The following DAAM2 variants were observed in gnomAD, a reference collection of about 807,000 sequenced individuals.
The protein encoded by DAAM2 is disheveled-associated activator of morphogenesis 2.
A neutral mutation model predicts 120.7 loss-of-function variants in DAAM2; 39 were observed. That is an observed-to-expected ratio of 0.32 (90% confidence interval 0.25 to 0.42). The LOEUF (loss-of-function observed/expected upper bound fraction) is 0.42, where lower values mean the gene tolerates loss of function less well. DAAM2 is among the 10% of genes least tolerant of loss of function. DAAM2 has a pLI of 1.00. For missense variants in DAAM2, 1,283 were observed against 1,401.7 expected, an observed-to-expected ratio of 0.92 and a Z score of 1.35; for synonymous variants, 488 against 524.9, an observed-to-expected ratio of 0.93 and a Z score of 0.96.
In DAAM2 at chr6:39,903,551, T is replaced by G. The variant is rs1365178496; in HGVS notation, c.*1514T>G. The stretch of plus-strand genomic sequence containing the variant: ...GTTCCGAGTTGGCCTTTCATCTTCT[T>G]TGAGACTGGCCCTGCCTAACCTCTA... On this transcript the variant is annotated 3_prime_UTR_variant, in exon 25 of 25. Coordinates refer to ENST00000274867, the MANE Select transcript of DAAM2 (RefSeq NM_001201427.2). The G allele has an allele frequency of 6.6e-6, 1 of 152,452 alleles. No individual in the cohort carries two copies. The highest frequency in any genetic ancestry group is 6.5e-5 in the Admixed American group (1 of 15,284). 9.4% of individuals were successfully genotyped at this position (152,452 alleles called of 1,614,324 possible).
rs1765461869 is a variant in DAAM2, at chr6:39,887,720, C to T, written c.2060+128C>T. The T allele has an allele frequency of 2.7e-5, 11 of 407,706 alleles. No homozygotes were observed. In the Admixed American group the frequency reaches 3.1e-4, roughly 12 times the overall value. 25.3% of individuals were successfully genotyped at this position (407,706 alleles called of 1,614,324 possible). ...GGGAGGGGCAGGCATTGATCTGGAACTGTCTCTCGGGAACCTGCCTTGAGC... is the reference window on the plus strand; with the variant it reads ...GGGAGGGGCAGGCATTGATCTGGAATTGTCTCTCGGGAACCTGCCTTGAGC... On this transcript the variant is annotated intron_variant, in intron 16 of 24. Transcript: ENST00000274867.
intron 14 of DAAM2, 177 bp downstream of exon 14, chr6:39,879,654 AACACCTACCCTGGGAGAGATGCTTG>A: frequency 1.3e-6 from 1 of 751,284 alleles, no homozygotes. Flanking sequence ...TCACGGTCAG[AACACCTACCCTGGGAGAGATGCTTG>A]ACATTGGGCA....
rs1764376478 is a variant in DAAM2, at chr6:39,865,187, C to T, written c.428+113C>T. The T allele has an allele frequency of 9.4e-5, 65 of 691,192 alleles. No individual in the cohort carries two copies. In the South Asian group the frequency reaches 1.1e-3, roughly 12 times the overall value. The allele number at this position is 691,192 out of a possible 1,614,324, so 42.8% of individuals were successfully genotyped here. On this transcript the variant is annotated intron_variant, in intron 5 of 24. Coordinates refer to ENST00000274867, the MANE Select transcript of DAAM2 (RefSeq NM_001201427.2). ...CCCATGCCGGTCCTCCTGGCCAACT[C>T]TGCCTCACCTGACTTCACTTCCCAG...
rs141631734 is a variant in DAAM2 at position 39,873,507 on chromosome 6, C to T, written c.1162+152C>T. Among the ~76,000 whole-genome samples the T allele has an allele frequency of 2.0e-5, 3 of 152,362 alleles. No individual in the cohort carries two copies. The East Asian group carries it at 5.8e-4, about 29-fold the overall frequency. Reference sequence around the variant, plus strand: ...GGGAGGGCAGGCCCCATGACGGAGGCCCCTGCTTTTCCTTCCCTCCTTGGG... The same window carrying T: ...GGGAGGGCAGGCCCCATGACGGAGGTCCCTGCTTTTCCTTCCCTCCTTGGG... On this transcript the variant is annotated intron_variant, in intron 10 of 24. Transcript: ENST00000274867.
At chr6:39,847,632 C>G (rs1428438214) in intron 1 of DAAM2, among the ~76,000 whole-genome samples, 1 of 151,750 alleles carries the variant, frequency 6.6e-6, no homozygotes, top group African/African-American at 2.4e-5. Flanking sequence ...GTGTCCAGCC[C>G]CTCATCCTCT....
In DAAM2 at chr6:39,835,891, G is replaced by T. The variant is rs113616567; in HGVS notation, c.-56-20356G>T. Among the ~76,000 whole-genome samples, 382 of 152,282 alleles carry T rather than the reference G, an allele frequency of 2.5e-3. 2 individuals carry two copies. Among genetic ancestry groups the T allele is most frequent in the African/African-American group, 8.2e-3 (342 of 41,542 alleles). On this transcript the variant is annotated intron_variant, in intron 1 of 24. Transcript: ENST00000274867. ...AGTCATACAAAGACACAGGCCCAGAGAGGGCTTCCCCCTTATATTCTGCTT... is the reference window on the plus strand; with the variant it reads ...AGTCATACAAAGACACAGGCCCAGATAGGGCTTCCCCCTTATATTCTGCTT...
intron 1 of DAAM2, among the ~76,000 whole-genome samples, chr6:39,795,169 C>A (rs1190684340): frequency 1.3e-5 from 2 of 152,196 alleles, no homozygotes; most frequent in Non-Finnish European, 1.5e-5. Flanking sequence ...CTGGCCAGCT[C>A]TTTGGTCATC....
In DAAM2 at chr6:39,864,438, G is replaced by T. The variant is rs1562035568; in HGVS notation, c.264G>T (p.Gln88His). The change falls in exon 4 of 25, where the codon CAG becomes CAT. Residue 88 changes from glutamine (Q) to histidine (H), a missense_variant. This residue lies in a region of DAAM2 where 197 missense variants were observed against 189.3 expected (regional missense o/e 1.04). Transcript: ENST00000274867. ...WQIYCSKKKEQEDPNKLATSW... is the reference protein window; with the variant it reads ...WQIYCSKKKEHEDPNKLATSW... The stretch of plus-strand genomic sequence containing the variant: ...TGTCCTTTTTCTTGTTTCAGGAGCA[G>T]GAGGACCCCAACAAGCTGGCAACCA... The T allele has an allele frequency of 1.9e-6, 3 of 1,612,746 alleles. No homozygotes were observed. The African/African-American group carries it at 4.0e-5, about 22-fold the overall frequency.
intron 14 of DAAM2, chr6:39,880,006 C>A (rs1765050712): frequency 5.4e-6 from 1 of 186,012 alleles, no homozygotes; most frequent in African/African-American, 2.4e-5. Context: ...AATCACCAAT[C>A]CCAGAACCAC....
intron 16 of DAAM2, 166 bp downstream of exon 16, chr6:39,887,758 C>T (rs1765464541): frequency 1.8e-6 from 1 of 567,900 alleles, no homozygotes. Flanking sequence ...CAGTTTGGGG[C>T]TCTGCAGGCA....
intron 1 of DAAM2, among the ~76,000 whole-genome samples, chr6:39,809,318 A>AT (rs1762097587): frequency 6.6e-6 from 1 of 152,102 alleles, no homozygotes. Context: ...GAGTTTCTTA[A>AT]TTTACCTAGT....
chr6:39,887,409 G>T, intron 15 of DAAM2, 77 bp from the exon 16 acceptor site: 1 of 950,380 alleles, frequency 1.1e-6, no homozygotes, highest in Non-Finnish European at 1.7e-6. Flanking sequence ...ATTGGTAGGA[G>T]GTGGCTCTTG....
rs371298769 is a variant in DAAM2, at chr6:39,821,656, T to C, written c.-57+29191T>C. ...TGAACTTGGGGATAGCCCCCCACCT[T>C]ATCCTGGTGGTTGTCAACCTTGAGG... is the stretch of plus-strand genomic sequence containing the variant. On this transcript the variant is annotated intron_variant, in intron 1 of 24. Transcript: ENST00000274867. 1.2e-4 allele frequency: 18 copies of C among 152,174 alleles called. No individual in the cohort carries two copies. The East Asian group carries it at 2.9e-3, about 24-fold the overall frequency. 9.4% of individuals were successfully genotyped at this position (152,174 alleles called of 1,614,324 possible).
intron 1 of DAAM2, among the ~76,000 whole-genome samples, chr6:39,855,432 G>C (rs1763960556): frequency 6.6e-6 from 1 of 152,200 alleles, no homozygotes; most frequent in South Asian, 2.1e-4. Context: ...AGACAGAACA[G>C]TGTTCTCTGT....
At chr6:39,899,511 G>A (rs1385711552) in intron 22 of DAAM2, 1 of 157,648 alleles carries the variant, frequency 6.3e-6, no homozygotes, top group Non-Finnish European at 1.4e-5. Flanking sequence ...CTAGGAAGAA[G>A]GGACCCGTTC....
intron 5 of DAAM2, 45 bp from the exon 6 acceptor site, chr6:39,867,465 A>G (rs1764477091): frequency 6.3e-7 from 1 of 1,585,656 alleles, no homozygotes; most frequent in Non-Finnish European, 8.6e-7. Flanking sequence ...AAGTGTACAC[A>G]GAATCATATG....
At chr6:39,838,488 C>G (rs759602809) in intron 1 of DAAM2, among the ~76,000 whole-genome samples, 2 of 152,056 alleles carry the variant, frequency 1.3e-5, no homozygotes, top group Non-Finnish European at 2.9e-5. Context: ...GGAGAGTGGG[C>G]TGGTTGGTCG....
chr6:39,861,456 TCTC>T, intron 3 of DAAM2: 1 of 318,330 alleles, frequency 3.1e-6, no homozygotes, highest in East Asian at 7.7e-5. Context: ...CTGTCCATGT[TCTC>T]CTCAGCATAT....
intron 3 of DAAM2, chr6:39,861,344 C>T (rs565239269): frequency 2.5e-6 from 1 of 398,090 alleles, no homozygotes; most frequent in South Asian, 2.1e-5. Context: ...CATCATGGAC[C>T]ATACCTGGAG....
Sources: gnomAD v4.1 joint callset for allele counts (sites outside exome capture counted in the v4.1 genomes callset) on GRCh38, gnomAD v4.1.1 for gene constraint, gnomAD v4.1.1 regional missense constraint, MANE v1.5 for transcripts, NCBI Gene and HGNC (gene_info 2026-07-23, HGNC 2026-07-21) for gene names.